The following ATP8B4 variants were observed in gnomAD, a reference collection of about 807,000 sequenced individuals.
ATP8B4 encodes ATPase phospholipid transporting 8B4 (putative).
Under a neutral mutation model 145.6 loss-of-function variants are expected in ATP8B4, and 133 were observed. That is an observed-to-expected ratio of 0.91 (90% CI 0.79 to 1.05). The LOEUF is 1.05. Ranked by LOEUF, ATP8B4 falls within the 50% of genes least tolerant of loss-of-function variation. ATP8B4 has a pLI of 0.00. For missense variants in ATP8B4, 1,458 were observed against 1,425.2 expected, an observed-to-expected ratio of 1.02 and a Z score of -0.37; for synonymous variants, 507 against 492.9, an observed-to-expected ratio of 1.03 and a Z score of -0.38.
At chr15:50,055,873 T>C (rs1045637725) in intron 3 of ATP8B4, among the ~76,000 whole-genome samples, 10 of 152,262 alleles carry the variant, frequency 6.6e-5, no homozygotes, top group Non-Finnish European at 1.3e-4. Context: ...AAAGAATGCA[T>C]GTATGGGACC....
chr15:49,888,814 C>T (rs1414525401), intron 23 of ATP8B4, among the ~76,000 whole-genome samples: 1 of 152,134 alleles, frequency 6.6e-6, no homozygotes, highest in Non-Finnish European at 1.5e-5. Flanking sequence ...GGCTGGAAAT[C>T]TCATTAGAAC....
chr15:49,890,061 T>C (rs1226350070), intron 23 of ATP8B4, among the ~76,000 whole-genome samples: 2 of 152,250 alleles, frequency 1.3e-5, no homozygotes, highest in East Asian at 1.9e-4. Context: ...ACATTTGTTA[T>C]GCATTTATGA....
chr15:49,943,931 A>T (rs28823045), intron 14 of ATP8B4, among the ~76,000 whole-genome samples: 24,076 of 152,174 alleles, frequency 0.16, 3,198 homozygotes, highest in African/African-American at 0.36. Flanking sequence ...AGGTACATAA[A>T]ATGAACAGAT....
intron 1 of ATP8B4, among the ~76,000 whole-genome samples, chr15:50,148,361 A>G (rs979209703): frequency 6.6e-6 from 1 of 152,246 alleles, no homozygotes. Flanking sequence ...TTACAAAAAA[A>G]AAGCTATAAG....
chr15:50,170,354 T>C (rs913164254), intron 1 of ATP8B4, among the ~76,000 whole-genome samples: 2 of 152,160 alleles, frequency 1.3e-5, no homozygotes, highest in African/African-American at 2.4e-5. Flanking sequence ...CTAGAAAGGA[T>C]TGGGGACTTA....
chr15:50,176,112 A>T (rs2044759823), intron 1 of ATP8B4, among the ~76,000 whole-genome samples: 1 of 151,238 alleles, frequency 6.6e-6, no homozygotes, highest in African/African-American at 2.5e-5. Flanking sequence ...GTATATATAT[A>T]TACTGCACAG....
chr15:50,064,674 T>A lies in ATP8B4; in HGVS notation c.87+9453A>T, dbSNP rs2053256742. On this transcript the variant is annotated intron_variant, in intron 3 of 27. Transcript: ENST00000284509. ...GTATTAGTCTATTCTCATGCTACTA[T>A]AACAAAATACCTGAGACTGGTAATT... 2.0e-5 allele frequency among the ~76,000 whole-genome samples: 3 copies of A among 152,214 alleles called. No individual in the cohort carries two copies. In the South Asian group the frequency reaches 6.2e-4, roughly 31 times the overall value.
At chr15:50,072,928 C>G (rs1168532650) in intron 3 of ATP8B4, among the ~76,000 whole-genome samples, 4 of 10,500 alleles carry the variant, frequency 3.8e-4, no homozygotes, top group African/African-American at 1.5e-3. Flanking sequence ...CGGCCTCTCT[C>G]TCTCTCTCTC....
rs755132808 is a variant in ATP8B4 at position 49,898,251 on chromosome 15, C to T, written c.2290G>A (p.Ala764Thr). ...TTGACATCACTTTCTAGGGCATGAGCCTGTATGATTAAAAATAAAATTCAA... is the reference window on the plus strand; with the variant it reads ...TTGACATCACTTTCTAGGGCATGAGTCTGTATGATTAAAAATAAAATTCAA... ...YALIINGHSL[A>T]HALESDVKND... The change falls in exon 22 of 28, where the codon GCT becomes ACT. Residue 764 changes from alanine to threonine, a missense_variant and splice_region_variant. Coordinates refer to ENST00000284509, the MANE Select transcript of ATP8B4 (RefSeq NM_024837.4). 21 of 1,608,430 alleles carry T rather than the reference C, an allele frequency of 1.3e-5. No homozygotes were observed. In the Admixed American group the frequency reaches 2.7e-4, roughly 21 times the overall value.
chr15:50,022,328 G>T (rs984993145), intron 6 of ATP8B4, among the ~76,000 whole-genome samples: 1 of 152,096 alleles, frequency 6.6e-6, no homozygotes, highest in African/African-American at 2.4e-5. Context: ...TTCCGTTGAG[G>T]TCCATCAACA....
At chr15:49,979,922 G>C (rs2046008064) in intron 11 of ATP8B4, 109 bp from the exon 12 acceptor site, 1 of 710,512 alleles carries the variant, frequency 1.4e-6, no homozygotes, top group Non-Finnish European at 2.2e-6. Context: ...TGAAAAGCAA[G>C]TATGCAAACC....
intron 13 of ATP8B4, among the ~76,000 whole-genome samples, chr15:49,970,215 A>G (rs1196239005): frequency 2.0e-5 from 3 of 152,196 alleles, no homozygotes; most frequent in Non-Finnish European, 4.4e-5. Flanking sequence ...CCAGCACAAG[A>G]CAAGGATGCT....
chr15:50,129,735 G>A (rs1426912687), intron 1 of ATP8B4, among the ~76,000 whole-genome samples: 3 of 152,070 alleles, frequency 2.0e-5, no homozygotes, highest in African/African-American at 7.2e-5. Flanking sequence ...GGTAGACTAG[G>A]TCAAGAGATC....
chr15:50,099,961 G>A (rs914522431), intron 2 of ATP8B4, among the ~76,000 whole-genome samples: 1 of 150,044 alleles, frequency 6.7e-6, no homozygotes, highest in African/African-American at 2.5e-5. Flanking sequence ...CTTGAATCTG[G>A]GAGGCGGAGG....
rs746563174 is a variant in ATP8B4 at position 49,860,369 on chromosome 15, T to C, written c.3404A>G (p.Gln1135Arg). ...SRRSGYAFAH[Q>R]EGYGELITSG... Reference sequence around the variant, plus strand: ...TGTGATAAGCTCTCCATAGCCTTCTTGGTGAGCAAAAGCATATCCAGACCT... The same window carrying C: ...TGTGATAAGCTCTCCATAGCCTTCTCGGTGAGCAAAAGCATATCCAGACCT... The change falls in exon 28 of 28, where the codon CAA becomes CGA. Residue 1135 changes from glutamine to arginine, a missense_variant. Transcript: ENST00000284509. The C allele has an allele frequency of 1.1e-5, 18 of 1,614,136 alleles. No homozygotes were observed. The highest frequency in any genetic ancestry group is 1.5e-5 in the Non-Finnish European group (18 of 1,179,994).
At chr15:50,012,989 G>A (rs1019977419) in intron 6 of ATP8B4, among the ~76,000 whole-genome samples, 1 of 152,104 alleles carries the variant, frequency 6.6e-6, no homozygotes, top group African/African-American at 2.4e-5. Context: ...CAAACTTGCT[G>A]AATAAGCATA....
At chr15:50,098,264 T>C (rs1408637315) in intron 2 of ATP8B4, among the ~76,000 whole-genome samples, 3 of 128,776 alleles carry the variant, frequency 2.3e-5, no homozygotes, top group South Asian at 2.6e-4. Flanking sequence ...TATTGTCAGG[T>C]GATTTTTTTT....
chr15:49,942,987 A>C (rs953653662), intron 14 of ATP8B4, among the ~76,000 whole-genome samples: 1 of 152,208 alleles, frequency 6.6e-6, no homozygotes, highest in Admixed American at 6.5e-5. Context: ...AATTAACAAA[A>C]TTTTTTTTTT....
chr15:50,146,220 G>A (rs2044275441), intron 1 of ATP8B4, among the ~76,000 whole-genome samples: 1 of 151,972 alleles, frequency 6.6e-6, no homozygotes, highest in Admixed American at 6.6e-5. Flanking sequence ...CACCATCTTG[G>A]CCAGGCTGGT....
Sources: allele counts gnomAD v4.1 joint callset (sites outside exome capture counted in the v4.1 genomes callset), GRCh38; gene constraint gnomAD v4.1.1; transcripts MANE v1.5; gene names NCBI Gene and HGNC (gene_info 2026-07-23, HGNC 2026-07-21).